The following PRR5 variants were observed in gnomAD, a reference collection of about 807,000 sequenced individuals.
PRR5 encodes the protein proline rich 5, also known as proline-rich protein 5.
PRR5 carries 25 observed loss-of-function variants against 30.6 expected under a neutral mutation model. The observed-to-expected ratio is 0.82, with a 90% CI of 0.60 to 1.14. The LOEUF (loss-of-function observed/expected upper bound fraction) is 1.14, where lower values mean the gene tolerates loss of function less well. Among genes scored for constraint, PRR5 ranks in the 50% most tolerant of loss-of-function variants. PRR5 has a pLI of 0.00. For missense variants in PRR5, 600 were observed against 547.1 expected, an observed-to-expected ratio of 1.10 and a Z score of -0.96; for synonymous variants, 286 against 247.1, an observed-to-expected ratio of 1.16 and a Z score of -1.48.
intron 2 of PRR5, among the ~76,000 whole-genome samples, chr22:44,717,884 T>G (rs1056489992): frequency 6.6e-6 from 1 of 151,852 alleles, no homozygotes; most frequent in African/African-American, 2.4e-5. Context: ...ACCGGCTAAT[T>G]TTGTATTTTT....
chr22:44,709,044 G>T (rs1270642243), intron 1 of PRR5, among the ~76,000 whole-genome samples: 1 of 151,504 alleles, frequency 6.6e-6, no homozygotes, highest in East Asian at 1.9e-4. Context: ...ACGGAAGCTG[G>T]GATTCAACCC....
upstream of PRR5, chr22:44,677,041 TC>T (rs1472128987): frequency 2.0e-5 from 3 of 152,318 alleles, no homozygotes; most frequent in African/African-American, 7.2e-5. Context: ...TGTGAACGCC[TC>T]CTAATGTGTA....
At chr22:44,672,211 A>C (rs1923466617), upstream of PRR5, among the ~76,000 whole-genome samples, 1 of 152,108 alleles carries the variant, frequency 6.6e-6, no homozygotes, top group Non-Finnish European at 1.5e-5. Flanking sequence ...AGGGAGAGAG[A>C]TGGAGTTTGC....
At chr22:44,690,942 C>G (rs1210973297) in intron 1 of PRR5, among the ~76,000 whole-genome samples, 1 of 152,028 alleles carries the variant, frequency 6.6e-6, no homozygotes, top group African/African-American at 2.4e-5. Flanking sequence ...GTCTTGGATG[C>G]CAGGCTTGGA....
At chr22:44,731,908 T>A (rs1922056177) in intron 5 of PRR5, 87 bp downstream of exon 5, 36 of 1,361,138 alleles carry the variant, frequency 2.6e-5, no homozygotes, top group Non-Finnish European at 3.5e-5. Flanking sequence ...CCGCCAGGCT[T>A]GGGGACACAC....
chr22:44,724,396 C>G (rs757436361), intron 2 of PRR5, among the ~76,000 whole-genome samples: 1 of 151,978 alleles, frequency 6.6e-6, no homozygotes, highest in Non-Finnish European at 1.5e-5. Context: ...GATTGTGCCA[C>G]TGTACTCCAG....
chr22:44,729,176 T>C, intron 4 of PRR5: 1 of 508,276 alleles, frequency 2.0e-6, no homozygotes, highest in Non-Finnish European at 2.5e-6. Context: ...CACGCTTGCC[T>C]CCATGCCTGT....
At chr22:44,728,497 G>A (rs551659838) in intron 4 of PRR5, among the ~76,000 whole-genome samples, 1 of 152,362 alleles carries the variant, frequency 6.6e-6, no homozygotes, top group African/African-American at 2.4e-5. Flanking sequence ...TGTGATTAAT[G>A]TCATTGTGAA....
intron 1 of PRR5, among the ~76,000 whole-genome samples, chr22:44,712,948 G>C (rs1473640323): frequency 6.6e-6 from 1 of 152,226 alleles, no homozygotes; most frequent in East Asian, 1.9e-4. Flanking sequence ...GCTTCTTGCA[G>C]GTGATGGCCT....
chr22:44,681,494 G>A (rs994673772), intron 1 of PRR5, among the ~76,000 whole-genome samples: 20 of 151,940 alleles, frequency 1.3e-4, no homozygotes, highest in African/African-American at 2.4e-4. Flanking sequence ...AAGCTGAGGC[G>A]GGAGAATCGC....
At chr22:44,689,537 G>A (rs1925054814) in intron 1 of PRR5, among the ~76,000 whole-genome samples, 1 of 152,228 alleles carries the variant, frequency 6.6e-6, no homozygotes, top group African/African-American at 2.4e-5. Flanking sequence ...TTCAAGGACT[G>A]AGCTCCGTGT....
Position 44,736,789 on chromosome 22 carries a change from C to T in PRR5, c.709C>T (p.Arg237Cys), listed in dbSNP as rs763464271. The T allele has an allele frequency of 1.9e-5, 29 of 1,553,392 alleles. No individual in the cohort carries two copies. The highest frequency in any genetic ancestry group is 7.1e-5 in the South Asian group (6 of 84,502). The stretch of plus-strand genomic sequence containing the variant: ...CTCCCCAGAAAAGCGCCTCCTCCGC[C>T]GCTCCCGCTCGGGGGACGTGCTGGC... ...SCILEKRLLR[R>C]SRSGDVLAKN... Residue 237 changes from arginine (R) to cysteine (C), a missense_variant, in exon 8 of 8, where the codon CGC becomes TGC. By Grantham distance (180) the Arg-to-Cys change is radical. Transcript: ENST00000336985.
intron 1 of PRR5, among the ~76,000 whole-genome samples, chr22:44,670,879 C>T (rs926759399): frequency 6.6e-6 from 1 of 152,078 alleles, no homozygotes; most frequent in Non-Finnish European, 1.5e-5. Flanking sequence ...CTCTGGGTGC[C>T]GCAAGTTGTG....
At chr22:44,692,568 A>AGGGCTCCTCCTCCCG (rs1024352077) in intron 1 of PRR5, among the ~76,000 whole-genome samples, 1 of 122,288 alleles carries the variant, frequency 8.2e-6, no homozygotes, top group Non-Finnish European at 1.8e-5. Flanking sequence ...TCCTCCACCC[A>AGGGCTCCTCCTCCCG]GGGCTCCTCC....
intron 1 of PRR5, among the ~76,000 whole-genome samples, chr22:44,692,851 G>A (rs1925406155): frequency 1.3e-5 from 2 of 152,314 alleles, no homozygotes; most frequent in Admixed American, 6.5e-5. Context: ...CGAAGGTTCG[G>A]AAGTGCACGA....
At chr22:44,675,888 A>G (rs1365416169), upstream of PRR5, among the ~76,000 whole-genome samples, 1 of 151,870 alleles carries the variant, frequency 6.6e-6, no homozygotes, top group Non-Finnish European at 1.5e-5. Flanking sequence ...AGCCACGATC[A>G]GTCATGTTTA....
At chr22:44,671,547 C>G (rs371997515) in intron 1 of PRR5, among the ~76,000 whole-genome samples, 2 of 151,966 alleles carry the variant, frequency 1.3e-5, no homozygotes, top group East Asian at 3.9e-4. Context: ...CTTCTGGTGG[C>G]CCAGCAGGAG....
At chr22:44,697,013 A>G (rs1925815281) in intron 1 of PRR5, among the ~76,000 whole-genome samples, 1 of 152,178 alleles carries the variant, frequency 6.6e-6, no homozygotes, top group African/African-American at 2.4e-5. Context: ...CTGGGATCAC[A>G]GGCGTGAGCC....
chr22:44,708,041 T>C (rs2147040512), intron 1 of PRR5, among the ~76,000 whole-genome samples: 1 of 151,988 alleles, frequency 6.6e-6, no homozygotes, highest in African/African-American at 2.4e-5. Context: ...AGCCTACAAA[T>C]GGGGAAACCT....
Sources: allele counts gnomAD v4.1 joint callset (sites outside exome capture counted in the v4.1 genomes callset), GRCh38; gene constraint gnomAD v4.1.1; transcripts MANE v1.5; gene names NCBI Gene and HGNC (gene_info 2026-07-23, HGNC 2026-07-21).